Variants in ADAMTS12 observed in about 807,000 individuals in gnomAD.
ADAMTS12 encodes the protein A disintegrin and metalloproteinase with thrombospondin motifs 12.
A neutral mutation model predicts 167.8 loss-of-function variants in ADAMTS12; 118 were observed. The ratio of observed to expected loss-of-function variants is 0.70; its 90% CI spans 0.61 to 0.82. ADAMTS12 has a LOEUF of 0.82. Ranked by LOEUF, ADAMTS12 falls within the 40% of genes least tolerant of loss-of-function variation. ADAMTS12 has a pLI of 0.00. For synonymous variants in ADAMTS12, 704 were observed against 716.9 expected, an observed-to-expected ratio of 0.98 and a Z score of 0.29; for missense variants, 1,916 against 1,998.8, an observed-to-expected ratio of 0.96 and a Z score of 0.79.
intron 22 of ADAMTS12, 69 bp from the exon 23 acceptor site, chr5:33,535,061 C>T (rs558267851): frequency 1.4e-6 from 2 of 1,451,080 alleles, no homozygotes; most frequent in African/African-American, 1.4e-5. Flanking sequence ...CAGTAGAACA[C>T]CTCCAATCCC....
intron 18 of ADAMTS12, among the ~76,000 whole-genome samples, chr5:33,577,553 T>G (rs1746823405): frequency 6.6e-6 from 1 of 152,222 alleles, no homozygotes; most frequent in Non-Finnish European, 1.5e-5. Flanking sequence ...TAATGTATAA[T>G]GTGTGCATAT....
At chr5:33,761,920 T>C (rs1745370694) in intron 2 of ADAMTS12, among the ~76,000 whole-genome samples, 1 of 152,180 alleles carries the variant, frequency 6.6e-6, no homozygotes, top group Non-Finnish European at 1.5e-5. Context: ...GGGCCGGGCA[T>C]GGTGGCTCAC....
rs1456419130 is a variant in ADAMTS12, at chr5:33,789,994, T to C, written c.490-38446A>G. ...CTATGAATCCTTAAAATTACGGACC[T>C]TTTCAAACATAACCACAATATTATT... On this transcript the variant is annotated intron_variant, in intron 2 of 23. Coordinates refer to ENST00000504830, the MANE Select transcript of ADAMTS12 (RefSeq NM_030955.4). 2.0e-5 allele frequency among the ~76,000 whole-genome samples: 3 copies of C among 152,214 alleles called. No individual in the cohort carries two copies. The East Asian group carries it at 5.8e-4, about 29-fold the overall frequency.
rs1241311266 is a variant in ADAMTS12, at chr5:33,719,024, A to G, written c.634+32380T>C. On this transcript the variant is annotated intron_variant, in intron 3 of 23. Coordinates refer to ENST00000504830, the MANE Select transcript of ADAMTS12 (RefSeq NM_030955.4). Reference sequence around the variant, plus strand: ...CTGTGTCTATTACATGCCAGGCAACATGCTGAGGATTTTACATGCCTTGCG... The same window carrying G: ...CTGTGTCTATTACATGCCAGGCAACGTGCTGAGGATTTTACATGCCTTGCG... Among the ~76,000 whole-genome samples the G allele has an allele frequency of 2.6e-5, 4 of 152,302 alleles. No individual in the cohort carries two copies. The East Asian group carries it at 7.7e-4, about 29-fold the overall frequency.
chr5:33,556,447 C>G (rs1745490549), intron 20 of ADAMTS12, among the ~76,000 whole-genome samples: 1 of 152,318 alleles, frequency 6.6e-6, no homozygotes, highest in Admixed American at 6.5e-5. Context: ...AGGTAGAGAT[C>G]TGAATGTCTC....
chr5:33,587,519 A>G (rs746464506), intron 18 of ADAMTS12, among the ~76,000 whole-genome samples: 5 of 152,152 alleles, frequency 3.3e-5, no homozygotes, highest in Non-Finnish European at 7.3e-5. Flanking sequence ...CAGTGGCATG[A>G]TATCAGCTCA....
intron 2 of ADAMTS12, among the ~76,000 whole-genome samples, chr5:33,814,353 TTCCTGCATTGTAATA>T (rs1381972492): frequency 6.6e-6 from 1 of 152,238 alleles, no homozygotes; most frequent in Admixed American, 6.5e-5. Flanking sequence ...GGCCATCCTT[TTCCTGCATTGTAATA>T]TTACCTTGCT....
At chr5:33,624,444 T>C (rs4866347) in intron 13 of ADAMTS12, 93 bp from the exon 14 acceptor site, 177,402 of 1,554,160 alleles carry the variant, frequency 0.11, 14,897 homozygotes, top group East Asian at 0.41. Flanking sequence ...TGGTGCTTCA[T>C]AAGACTGGGC....
chr5:33,708,323 T>C (rs1743270670), intron 3 of ADAMTS12, among the ~76,000 whole-genome samples: 1 of 152,102 alleles, frequency 6.6e-6, no homozygotes, highest in African/African-American at 2.4e-5. Context: ...ATGTGGAGAA[T>C]AGGAATGTTT....
At chr5:33,569,321 G>A (rs1303104336) in intron 19 of ADAMTS12, among the ~76,000 whole-genome samples, 6 of 152,214 alleles carry the variant, frequency 3.9e-5, no homozygotes, top group East Asian at 1.9e-4. Context: ...CCTGTTCCCT[G>A]AGCAGCCTAA....
chr5:33,543,792 C>T (rs1294163767), intron 22 of ADAMTS12, among the ~76,000 whole-genome samples: 1 of 152,258 alleles, frequency 6.6e-6, no homozygotes, highest in Non-Finnish European at 1.5e-5. Flanking sequence ...GCAGAAAAGG[C>T]CTTCAACAAA....
intron 18 of ADAMTS12, among the ~76,000 whole-genome samples, chr5:33,588,192 G>A (rs189442384): frequency 6.6e-6 from 1 of 152,294 alleles, no homozygotes; most frequent in East Asian, 1.9e-4. Flanking sequence ...TCAGTGTCAA[G>A]CGACACTCTT....
intron 2 of ADAMTS12, among the ~76,000 whole-genome samples, chr5:33,772,614 C>T (rs886129660): frequency 2.6e-5 from 4 of 152,178 alleles, no homozygotes; most frequent in Non-Finnish European, 1.5e-5. Context: ...CAAATGAAAA[C>T]TGAGATACTT....
At chr5:33,626,884 G>A (rs1323091786) in intron 13 of ADAMTS12, among the ~76,000 whole-genome samples, 2 of 151,200 alleles carry the variant, frequency 1.3e-5, no homozygotes, top group African/African-American at 4.9e-5. Flanking sequence ...GATAGCGGTG[G>A]TGATGGTGAT....
intron 2 of ADAMTS12, among the ~76,000 whole-genome samples, chr5:33,800,500 T>C (rs953200280): frequency 2.0e-5 from 3 of 152,250 alleles, no homozygotes; most frequent in Non-Finnish European, 4.4e-5. Context: ...TTTGGCCGTT[T>C]CCCATAGCCT....
chr5:33,528,101 G>T (rs78787273), intron 23 of ADAMTS12, among the ~76,000 whole-genome samples: 1 of 151,222 alleles, frequency 6.6e-6, no homozygotes, highest in East Asian at 1.9e-4. Flanking sequence ...AAAAAAAAAG[G>T]AATGAAATAA....
chr5:33,570,124 T>C (rs1746246413), intron 19 of ADAMTS12, among the ~76,000 whole-genome samples: 1 of 152,208 alleles, frequency 6.6e-6, no homozygotes, highest in East Asian at 1.9e-4. Context: ...CTCTGATTGG[T>C]GTACATGAAA....
chr5:33,844,010 T>C (rs761256849), intron 2 of ADAMTS12, among the ~76,000 whole-genome samples: 27 of 152,246 alleles, frequency 1.8e-4, no homozygotes, highest in Admixed American at 3.9e-4. Context: ...TAATTTATTA[T>C]GCCTGTCTTT....
intron 1 of ADAMTS12, among the ~76,000 whole-genome samples, chr5:33,882,934 A>C (rs777723599): frequency 6.6e-6 from 1 of 152,204 alleles, no homozygotes; most frequent in East Asian, 1.9e-4. Flanking sequence ...TCTCAGTTGT[A>C]GTTTTGCACT....
Sources: allele counts gnomAD v4.1 joint callset (sites outside exome capture counted in the v4.1 genomes callset), GRCh38; gene constraint gnomAD v4.1.1; transcripts MANE v1.5; gene names NCBI Gene and HGNC (gene_info 2026-07-23, HGNC 2026-07-21).